CCDC92B: variants seen among roughly 807,000 people sequenced by gnomAD.
CCDC92B encodes coiled-coil domain-containing 92B.
A neutral mutation model predicts 5.6 loss-of-function variants in CCDC92B; 2 were observed. The ratio of observed to expected loss-of-function variants is 0.36; its 90% confidence interval spans 0.15 to 1.12. CCDC92B has a LOEUF of 1.12. Among genes scored for constraint, CCDC92B ranks in the 50% most tolerant of loss-of-function variants. CCDC92B has a pLI of 0.40. For synonymous variants in CCDC92B, 115 were observed against 122.3 expected, an observed-to-expected ratio of 0.94 and a Z score of 0.39; for missense variants, 271 against 262.2, an observed-to-expected ratio of 1.03 and a Z score of -0.23.
intron 3 of CCDC92B, among the ~76,000 whole-genome samples, chr17:2,729,441 C>T (rs2070770407): frequency 6.9e-6 from 1 of 145,524 alleles, no homozygotes; most frequent in Non-Finnish European, 1.5e-5. Flanking sequence ...TTGCAGTGAG[C>T]CGAGATCGTG....
intron 1 of CCDC92B, among the ~76,000 whole-genome samples, chr17:2,743,937 G>A (rs2151745403): frequency 6.6e-6 from 1 of 151,914 alleles, no homozygotes; most frequent in Admixed American, 6.6e-5. Context: ...GAGTGCAATG[G>A]CGCGATCTCA....
chr17:2,723,724 G>A lies in CCDC92B; in HGVS notation c.*687C>T, dbSNP rs1032779486. 9.7e-5 allele frequency: 15 copies of A among 154,370 alleles called. No homozygotes were observed. Among genetic ancestry groups the A allele is most frequent in the Non-Finnish European group, 1.7e-4 (12 of 70,082 alleles). The allele number at this position is 154,370 out of a possible 1,614,324, so 9.6% of individuals were successfully genotyped here. ...ACTCGGGAAGAGCTGAGCTGGAGAC[G>A]GCTCTAGACCAAGTCCGGCCAACCA... On this transcript the variant is annotated 3_prime_UTR_variant, in exon 4 of 4. Coordinates refer to ENST00000614400, the MANE Select transcript of CCDC92B (RefSeq NM_001355573.2).
intron 1 of CCDC92B, chr17:2,748,137 T>C (rs1376289309): frequency 1.9e-6 from 1 of 532,480 alleles, no homozygotes; most frequent in Non-Finnish European, 3.8e-6. Context: ...GCAGTCCACA[T>C]CTGCAGGCTG....
chr17:2,738,273 A>G (rs1463688278), intron 1 of CCDC92B, among the ~76,000 whole-genome samples: 1 of 151,934 alleles, frequency 6.6e-6, no homozygotes, highest in East Asian at 1.9e-4. Flanking sequence ...CCTGGCCTCA[A>G]GCAATCCTCC....
chr17:2,732,856 A>G, intron 2 of CCDC92B, among the ~76,000 whole-genome samples: 1 of 151,502 alleles, frequency 6.6e-6, no homozygotes, highest in Admixed American at 6.6e-5. Context: ...TACTAAAAAT[A>G]CAAAAAATTA....
At chr17:2,746,947 C>G (rs1197989781) in intron 1 of CCDC92B, among the ~76,000 whole-genome samples, 1 of 152,322 alleles carries the variant, frequency 6.6e-6, no homozygotes, top group African/African-American at 2.4e-5. Context: ...GCTGGGACTA[C>G]AGATGTGAGC....
At chr17:2,730,821 G>T (rs1315213733) in intron 2 of CCDC92B, among the ~76,000 whole-genome samples, 1 of 152,076 alleles carries the variant, frequency 6.6e-6, no homozygotes, top group African/African-American at 2.4e-5. Context: ...TGGGGCTGGG[G>T]GACTATCTGC....
At chr17:2,733,270 T>G (rs1201658163) in intron 2 of CCDC92B, among the ~76,000 whole-genome samples, 1 of 149,912 alleles carries the variant, frequency 6.7e-6, no homozygotes, top group African/African-American at 2.4e-5. Context: ...CTTTTTTTTT[T>G]TTTTTTGAGA....
intron 2 of CCDC92B, among the ~76,000 whole-genome samples, chr17:2,733,642 T>C (rs1053869160): frequency 6.6e-6 from 1 of 150,470 alleles, no homozygotes; most frequent in African/African-American, 2.4e-5. Flanking sequence ...TCCCCCAGGC[T>C]GGCCTCTGCT....
chr17:2,748,996 G>A (rs1048783602), intron 1 of CCDC92B, among the ~76,000 whole-genome samples: 1 of 152,190 alleles, frequency 6.6e-6, no homozygotes, highest in African/African-American at 2.4e-5. Context: ...GGTGTATGGG[G>A]AAACTGGAGC....
At chr17:2,741,909 C>G (rs2070931368) in intron 1 of CCDC92B, among the ~76,000 whole-genome samples, 1 of 147,936 alleles carries the variant, frequency 6.8e-6, no homozygotes, top group Non-Finnish European at 1.5e-5. Flanking sequence ...TCTCTTGAAA[C>G]CAGGACGCGG....
chr17:2,725,029 G>A (rs1014803400), intron 3 of CCDC92B, 29 bp from the exon 4 acceptor site: 7 of 985,134 alleles, frequency 7.1e-6, no homozygotes, highest in Non-Finnish European at 8.4e-6. Context: ...CAGAGGTGAC[G>A]GTCTCCCCCT....
chr17:2,746,755 C>A (rs1007732496), intron 1 of CCDC92B, among the ~76,000 whole-genome samples: 1 of 152,150 alleles, frequency 6.6e-6, no homozygotes, highest in African/African-American at 2.4e-5. Flanking sequence ...ACTGCAACCT[C>A]CGCCTCCTGG....
At position 2,746,856 on chromosome 17, in the gene CCDC92B, G is replaced by A. The variant is rs557656541; in HGVS notation, c.-24+2555C>T. ...CCAGCTATTTTTTGTATTTTTAGTA[G>A]AGACGGGGTTTCACCATGTTGGACA... On this transcript the variant is annotated intron_variant, in intron 1 of 3. Coordinates refer to ENST00000614400, the MANE Select transcript of CCDC92B (RefSeq NM_001355573.2). 7.2e-5 allele frequency among the ~76,000 whole-genome samples: 11 copies of A among 152,108 alleles called. No individual in the cohort carries two copies. The South Asian group carries it at 2.3e-3, about 32-fold the overall frequency.
At position 2,723,445 on chromosome 17, in the gene CCDC92B, C is replaced by A. The variant is rs1346524419; in HGVS notation, c.*966G>T. Reference sequence around the variant, plus strand: ...ACCTCAGGTGATCCGCCCACCTCGGCCTCCCAAAGTGCTGGGATTACAGGA... The same window carrying A: ...ACCTCAGGTGATCCGCCCACCTCGGACTCCCAAAGTGCTGGGATTACAGGA... On this transcript the variant is annotated 3_prime_UTR_variant, in exon 4 of 4. Transcript: ENST00000614400. 1.3e-5 allele frequency: 2 copies of A among 152,298 alleles called. No individual in the cohort carries two copies. Among genetic ancestry groups the A allele is most frequent in the African/African-American group, 2.4e-5 (1 of 41,458 alleles). 9.4% of individuals were successfully genotyped at this position (152,298 alleles called of 1,614,324 possible).
intron 3 of CCDC92B, 72 bp downstream of exon 3, chr17:2,730,374 C>T: frequency 1.1e-6 from 1 of 886,676 alleles, no homozygotes; most frequent in Non-Finnish European, 1.4e-6. Context: ...AGGTTTGGGT[C>T]CTGCAAAGGG....
intron 3 of CCDC92B, 23 bp from the exon 4 acceptor site, chr17:2,725,023 G>A: frequency 1.0e-6 from 1 of 985,192 alleles, no homozygotes; most frequent in Non-Finnish European, 1.2e-6. Context: ...AGAGGCCAGA[G>A]GTGACGGTCT....
chr17:2,736,811 G>A (rs1426193929), intron 1 of CCDC92B, among the ~76,000 whole-genome samples: 1 of 151,650 alleles, frequency 6.6e-6, no homozygotes, highest in Non-Finnish European at 1.5e-5. Flanking sequence ...AACCCGGGAG[G>A]TGGAAGCTCC....
intron 2 of CCDC92B, 59 bp downstream of exon 2, chr17:2,734,957 T>C (rs139890088): frequency 0.051 from 48,971 of 966,496 alleles, 1,342 homozygotes; most frequent in Non-Finnish European, 0.054. Flanking sequence ...CCAGAGACAG[T>C]GGTTGTGATG....
Sources: allele counts gnomAD v4.1 joint callset (sites outside exome capture counted in the v4.1 genomes callset), GRCh38; gene constraint gnomAD v4.1.1; transcripts MANE v1.5; gene names NCBI Gene and HGNC (gene_info 2026-07-23, HGNC 2026-07-21).